The following ACOX3 variants were observed in gnomAD, a reference collection of about 807,000 sequenced individuals.
ACOX3 encodes peroxisomal acyl-coenzyme A oxidase 3.
In ACOX3, 73 loss-of-function variants were observed where a neutral mutation model predicts 81.5. The ratio of observed to expected loss-of-function variants is 0.90; its 90% CI spans 0.74 to 1.09. The LOEUF is 1.09. ACOX3 is among the 50% of genes least tolerant of loss of function. The pLI is 0.00. For synonymous variants in ACOX3, 387 were observed against 375.1 expected, an observed-to-expected ratio of 1.03 and a Z score of -0.37; for missense variants, 947 against 928.0, an observed-to-expected ratio of 1.02 and a Z score of -0.27.
intron 1 of ACOX3, among the ~76,000 whole-genome samples, chr4:8,420,930 G>A (rs968033578): frequency 9.2e-5 from 14 of 152,198 alleles, no homozygotes; most frequent in African/African-American, 3.1e-4. Flanking sequence ...CTGAACACTA[G>A]TCCCTGGGTT....
In ACOX3 at chr4:8,381,346, G is replaced by A; in HGVS notation, c.1653+146C>T. On this transcript the variant is annotated intron_variant, in intron 14 of 17. Coordinates refer to ENST00000356406, the MANE Select transcript of ACOX3 (RefSeq NM_003501.3). This position sits in a 1 kb window ranked among gnomAD's most constrained non-coding sequence, Gnocchi z 4.3. ...GTGTTACAGAGGAGCTGAGCAAGCA[G>A]CAAAGTCATCAAGTCATCTGCCCAA... The A allele has an allele frequency of 1.5e-6, 1 of 667,918 alleles. No individual in the cohort carries two copies. The highest frequency in any genetic ancestry group is 2.6e-6 in the Non-Finnish European group (1 of 384,110). The allele number at this position is 667,918 out of a possible 1,614,324, so 41.4% of individuals were successfully genotyped here. A position where few individuals can be genotyped will look rare whatever the true frequency, so the allele number is the denominator to read the frequency against.
chr4:8,409,205 G>A (rs1721402335), intron 6 of ACOX3, among the ~76,000 whole-genome samples: 1 of 152,224 alleles, frequency 6.6e-6, no homozygotes, highest in African/African-American at 2.4e-5. Flanking sequence ...GGACTTCATC[G>A]AAATTGAAAA....
downstream of ACOX3, among the ~76,000 whole-genome samples, chr4:8,362,204 C>T (rs985690113): frequency 6.6e-6 from 1 of 152,134 alleles, no homozygotes; most frequent in Non-Finnish European, 1.5e-5. Context: ...TTTCAGAACT[C>T]TCATAGAGAG....
intron 11 of ACOX3, among the ~76,000 whole-genome samples, chr4:8,391,920 G>A (rs1283344593): frequency 6.6e-6 from 1 of 152,254 alleles, no homozygotes; most frequent in Non-Finnish European, 1.5e-5. Context: ...CATGGTGCTA[G>A]TTTACTACCA....
rs1047659745 is a variant in ACOX3 at position 8,397,247 on chromosome 4, A to G, written c.874-128T>C. ...ACCTGTGCCCACCTGCCCAGGCCCC[A>G]TCCCCAGGGCGCCCAAGACACAGGA... On this transcript the variant is annotated intron_variant, in intron 8 of 17. Coordinates refer to ENST00000356406, the MANE Select transcript of ACOX3 (RefSeq NM_003501.3). 28 of 892,934 alleles carry G rather than the reference A, an allele frequency of 3.1e-5. No homozygotes were observed. The Admixed American group carries it at 5.3e-4, about 17-fold the overall frequency. 55.3% of individuals were successfully genotyped at this position (892,934 alleles called of 1,614,324 possible). A position where few individuals can be genotyped will look rare whatever the true frequency, so the allele number is the denominator to read the frequency against.
At position 8,386,874 on chromosome 4, in the gene ACOX3, G is replaced by C. The variant is rs1052227244; in HGVS notation, c.1537+2299C>G. The stretch of plus-strand genomic sequence containing the variant: ...AACAAGGAAGTAGCCTGTAGGGCTG[G>C]AGACGGACAAGGACACACGCTCGGG... On this transcript the variant is annotated intron_variant, in intron 13 of 17. Coordinates refer to ENST00000356406, the MANE Select transcript of ACOX3 (RefSeq NM_003501.3). The surrounding 1 kb of genome is among the most constrained non-coding windows in gnomAD (Gnocchi z 5.2). 2.2e-4 allele frequency among the ~76,000 whole-genome samples: 34 copies of C among 152,368 alleles called. No homozygotes were observed. Among genetic ancestry groups the C allele is most frequent in the East Asian group, 3.9e-4 (2 of 5,170 alleles).
In ACOX3 at chr4:8,416,345, A is replaced by G; in HGVS notation, c.144+33T>C. On this transcript the variant is annotated intron_variant, in intron 2 of 17. Coordinates refer to ENST00000356406, the MANE Select transcript of ACOX3 (RefSeq NM_003501.3). This position sits in a 1 kb window ranked among gnomAD's most constrained non-coding sequence, Gnocchi z 4.2. ...TAACGAACTAAGACCCCACTGGGAAAAAAGACAAGCTGCGCACAACCGCAC... is the reference window on the plus strand; with the variant it reads ...TAACGAACTAAGACCCCACTGGGAAGAAAGACAAGCTGCGCACAACCGCAC... The G allele has an allele frequency of 6.2e-7, 1 of 1,613,914 alleles. No homozygotes were observed. The highest frequency in any genetic ancestry group is 2.2e-5 in the East Asian group (1 of 44,882).
rs1401722495 is a variant in ACOX3 at position 8,389,984 on chromosome 4, T to C, written c.1301-250A>G. On this transcript the variant is annotated intron_variant, in intron 11 of 17. Coordinates refer to ENST00000356406, the MANE Select transcript of ACOX3 (RefSeq NM_003501.3). This position sits in a 1 kb window ranked among gnomAD's most constrained non-coding sequence, Gnocchi z 5.3. The stretch of plus-strand genomic sequence containing the variant: ...CAGGTGTGGTGGTGTGTGCCTGTAA[T>C]CTCAGCTACTCGGGAGGCTGAGGCA... Among the ~76,000 whole-genome samples, 1 of 151,802 alleles carries C rather than the reference T, an allele frequency of 6.6e-6. No homozygotes were observed. Among genetic ancestry groups the C allele is most frequent in the Admixed American group, 6.6e-5 (1 of 15,250 alleles).
At chr4:8,358,025 A>C in the ACOX3 span, 1 of 152,810 alleles carries the variant, frequency 6.5e-6, no homozygotes, top group Non-Finnish European at 1.5e-5. Context: ...TAAAATAAAA[A>C]CAGAGATCCT....
chr4:8,410,116 T>C (rs1721558749), intron 6 of ACOX3, 96 bp downstream of exon 6: 1 of 1,455,922 alleles, frequency 6.9e-7, no homozygotes, highest in African/African-American at 1.4e-5. Context: ...GCCAGAAGCA[T>C]GCCCCACCCT....
chr4:8,403,302 A>G (rs536464479), intron 7 of ACOX3, among the ~76,000 whole-genome samples: 1 of 152,338 alleles, frequency 6.6e-6, no homozygotes, highest in Admixed American at 6.5e-5. Context: ...ATCCAGGCAG[A>G]AACTGGCTGG....
rs762415059 is a variant in ACOX3, at chr4:8,400,825, G to C, written c.777-1173C>G. Reference sequence around the variant, plus strand: ...GGAAGACAATTTTTCCACGAATGAGGGGGAGGTGGGAGTGGTTTCGGGATG... The same window carrying C: ...GGAAGACAATTTTTCCACGAATGAGCGGGAGGTGGGAGTGGTTTCGGGATG... On this transcript the variant is annotated intron_variant, in intron 7 of 17. Coordinates refer to ENST00000356406, the MANE Select transcript of ACOX3 (RefSeq NM_003501.3). This position sits in a 1 kb window ranked among gnomAD's most constrained non-coding sequence, Gnocchi z 4.4. Among the ~76,000 whole-genome samples the C allele has an allele frequency of 2.6e-5, 4 of 152,154 alleles. No homozygotes were observed. The highest frequency in any genetic ancestry group is 4.4e-5 in the Non-Finnish European group (3 of 68,034).
chr4:8,416,274 T>A lies in ACOX3; in HGVS notation c.144+104A>T. On this transcript the variant is annotated intron_variant, in intron 2 of 17. Coordinates refer to ENST00000356406, the MANE Select transcript of ACOX3 (RefSeq NM_003501.3). The surrounding 1 kb of genome is among the most constrained non-coding windows in gnomAD (Gnocchi z 4.2). ...GAGGCCGCGCTGCCTGGGATGAGCCTCGCCCGGCAGAGGAGGAGCTGTGAG... is the reference window on the plus strand; with the variant it reads ...GAGGCCGCGCTGCCTGGGATGAGCCACGCCCGGCAGAGGAGGAGCTGTGAG... 6.3e-7 allele frequency: 1 copy of A among 1,590,592 alleles called. No homozygotes were observed. Among genetic ancestry groups the A allele is most frequent in the Non-Finnish European group, 8.6e-7 (1 of 1,162,852 alleles).
chr4:8,392,160 C>T (rs1410616324), intron 11 of ACOX3, among the ~76,000 whole-genome samples, 173 bp downstream of exon 11: 1 of 152,234 alleles, frequency 6.6e-6, no homozygotes, highest in Non-Finnish European at 1.5e-5. Flanking sequence ...AAAACAGCTG[C>T]AGGAAATGTG....
intron 6 of ACOX3, among the ~76,000 whole-genome samples, chr4:8,409,178 GA>G (rs796457610): frequency 2.0e-5 from 3 of 152,260 alleles, no homozygotes; most frequent in African/African-American, 7.2e-5. Context: ...AGCAACAAAA[GA>G]AAAAAACGTA....
At position 8,385,508 on chromosome 4, in the gene ACOX3, G is replaced by A. The variant is rs1371994150; in HGVS notation, c.1537+3665C>T. Among the ~76,000 whole-genome samples, 2 of 152,194 alleles carry A rather than the reference G, an allele frequency of 1.3e-5. No individual in the cohort carries two copies. Among genetic ancestry groups the A allele is most frequent in the East Asian group, 1.9e-4 (1 of 5,198 alleles). On this transcript the variant is annotated intron_variant, in intron 13 of 17. Transcript: ENST00000356406. The surrounding 1 kb of genome is among the most constrained non-coding windows in gnomAD (Gnocchi z 5.5). ...GCAACTGCTTACTATGAATGCATAC[G>A]AGCCAGCTAAACAACAGGGCCCACT...
In ACOX3 at chr4:8,436,140, C is replaced by A. The variant is rs548272584; in HGVS notation, c.-15+4508G>T. ...CCATTGATCTACTAAACTGGAAACA[C>A]CCTGAACCCGCCACCTTGTTCCCAG... On this transcript the variant is annotated intron_variant, in intron 1 of 17. Transcript: ENST00000356406. 2.0e-5 allele frequency: 3 copies of A among 152,322 alleles called. No individual in the cohort carries two copies. In the East Asian group the frequency reaches 5.8e-4, roughly 29 times the overall value. The allele number at this position is 152,322 out of a possible 1,614,324, so 9.4% of individuals were successfully genotyped here. A position where few individuals can be genotyped will look rare whatever the true frequency, so the allele number is the denominator to read the frequency against.
intron 1 of ACOX3, among the ~76,000 whole-genome samples, chr4:8,417,097 C>T (rs539321726): frequency 6.6e-6 from 1 of 152,250 alleles, no homozygotes; most frequent in Non-Finnish European, 1.5e-5. Flanking sequence ...CCTGGCTTCC[C>T]GCTAACACAG....
At chr4:8,379,587 G>A (rs571821686) in intron 14 of ACOX3, among the ~76,000 whole-genome samples, 6 of 152,250 alleles carry the variant, frequency 3.9e-5, no homozygotes, top group African/African-American at 1.4e-4. Flanking sequence ...TTTCTCAGCA[G>A]CTGAGCCACA....
Sources: gnomAD v4.1 joint callset for allele counts (sites outside exome capture counted in the v4.1 genomes callset) on GRCh38, gnomAD v4.1.1 for gene constraint, Gnocchi (gnomAD v3.1) non-coding constraint, MANE v1.5 for transcripts, NCBI Gene and HGNC (gene_info 2026-07-23, HGNC 2026-07-21) for gene names.